PLEKHA1: variants seen among roughly 807,000 people sequenced by gnomAD.
The protein encoded by PLEKHA1 is pleckstrin homology domain containing A1, also known as pleckstrin homology domain-containing family A member 1.
Under a neutral mutation model 52.0 loss-of-function variants are expected in PLEKHA1, and 34 were observed. That is an observed-to-expected ratio of 0.65 (90% CI 0.50 to 0.87). PLEKHA1 has a LOEUF of 0.87. Ranked by LOEUF, PLEKHA1 falls within the 40% of genes least tolerant of loss-of-function variation. PLEKHA1 has a pLI of 0.00. For missense variants in PLEKHA1, 497 were observed against 504.2 expected, an observed-to-expected ratio of 0.99 and a Z score of 0.14; for synonymous variants, 163 against 170.7, an observed-to-expected ratio of 0.95 and a Z score of 0.35.
intron 8 of PLEKHA1, chr10:122,422,635 G>T (rs1361378552): frequency 1.3e-5 from 2 of 152,222 alleles, no homozygotes. Flanking sequence ...CTATTCCACA[G>T]TTAAAGGCGA....
chr10:122,437,597 G>C, the PLEKHA1 span: 1 of 152,376 alleles, frequency 6.6e-6, no homozygotes, highest in Admixed American at 6.5e-5. Context: ...CATGGAATGA[G>C]CCCTGGGGCG....
intron 1 of PLEKHA1, among the ~76,000 whole-genome samples, chr10:122,382,087 T>C (rs1267994554): frequency 6.6e-6 from 1 of 152,236 alleles, no homozygotes; most frequent in South Asian, 2.1e-4. Flanking sequence ...TTATGTACTC[T>C]AGAATGAAAG....
intron 1 of PLEKHA1, among the ~76,000 whole-genome samples, chr10:122,381,707 C>T (rs1458302807): frequency 6.6e-6 from 1 of 152,160 alleles, no homozygotes; most frequent in Non-Finnish European, 1.5e-5. Flanking sequence ...CGGACTACCA[C>T]AGGGTGAGAA....
intron 5 of PLEKHA1, 44 bp from the exon 6 acceptor site, chr10:122,412,876 T>C (rs368202506): frequency 2.1e-4 from 332 of 1,606,512 alleles, no homozygotes; most frequent in Non-Finnish European, 2.7e-4. Context: ...GGTTCACATG[T>C]ATAATGCTGG....
At chr10:122,441,020 A>C in the PLEKHA1 span, 1 of 152,180 alleles carries the variant, frequency 6.6e-6, no homozygotes, top group Admixed American at 6.5e-5. Flanking sequence ...GTGGTTCTCA[A>C]AGTGTGGTCC....
Position 122,424,171 on chromosome 10 carries a change from GTTTTTTTTTTTTTT to G in PLEKHA1, c.682-19_682-6del. On this transcript the variant is annotated splice_polypyrimidine_tract_variant and intron_variant, in intron 8 of 11. Transcript: ENST00000368990. The stretch of plus-strand genomic sequence containing the variant: ...TTTTAAGAATAAACATCATGTAACT[GTTTTTTTTTTTTTT>G]TTTTTTTTGCCAGGAAAAGGAACCT... 2.1e-6 allele frequency: 2 copies of G among 953,376 alleles called. No individual in the cohort carries two copies. The highest frequency in any genetic ancestry group is 2.8e-6 in the Non-Finnish European group (2 of 719,526). 59.1% of individuals were successfully genotyped at this position (953,376 alleles called of 1,614,324 possible). A position where few individuals can be genotyped will look rare whatever the true frequency, so the allele number is the denominator to read the frequency against.
intron 2 of PLEKHA1, among the ~76,000 whole-genome samples, chr10:122,395,477 TTTTC>T (rs1314318570): frequency 2.0e-5 from 3 of 152,094 alleles, no homozygotes; most frequent in Non-Finnish European, 4.4e-5. Flanking sequence ...TATTATATTA[TTTTC>T]TTTCTTTATC....
chr10:122,424,406 T>C (rs2097308301), intron 9 of PLEKHA1, 143 bp downstream of exon 9: 4 of 932,468 alleles, frequency 4.3e-6, no homozygotes, highest in African/African-American at 1.8e-5. Context: ...TACACTAGAA[T>C]TTTCAAAACC....
intron 10 of PLEKHA1, among the ~76,000 whole-genome samples, chr10:122,426,658 T>C (rs1263977485): frequency 6.6e-6 from 1 of 152,172 alleles, no homozygotes; most frequent in Non-Finnish European, 1.5e-5. Context: ...GAAGGGTTTT[T>C]CTTGGACTTC....
chr10:122,417,820 C>CAATA, intron 7 of PLEKHA1, 80 bp from the exon 8 acceptor site: 1 of 1,028,426 alleles, frequency 9.7e-7, no homozygotes, highest in Non-Finnish European at 1.5e-6. Context: ...ATTGTGGGTT[C>CAATA]ATATCAGGGT....
chr10:122,391,730 A>AT (rs544333688), intron 1 of PLEKHA1, among the ~76,000 whole-genome samples: 286 of 151,512 alleles, frequency 1.9e-3, no homozygotes, highest in African/African-American at 6.7e-3. Context: ...CTTTGATTAC[A>AT]TTGTAAACTT....
chr10:122,425,205 AT>A (rs1277647239), intron 10 of PLEKHA1: 5 of 320,668 alleles, frequency 1.6e-5, no homozygotes, highest in Admixed American at 4.9e-5. Flanking sequence ...AATGCTTTTA[AT>A]TTAGATGTTA....
chr10:122,429,730 C>T lies in PLEKHA1; in HGVS notation c.1007C>T (p.Thr336Ile). The T allele has an allele frequency of 6.2e-7, 1 of 1,614,186 alleles. No individual in the cohort carries two copies. The highest frequency in any genetic ancestry group is 8.5e-7 in the Non-Finnish European group (1 of 1,180,036). Reference sequence around the variant, plus strand: ...TCTCGCAGCAACTCTTTGGTCTCAACCTTTACCATGGAGAAGCGAGGATTT... The same window carrying T: ...TCTCGCAGCAACTCTTTGGTCTCAATCTTTACCATGGAGAAGCGAGGATTT... The part of the protein sequence containing the change: ...TASRSNSLVS[T>I]FTMEKRGFYE... Residue 336 changes from threonine to isoleucine, a missense_variant, in exon 12 of 12, where the codon ACC becomes ATC. Coordinates refer to ENST00000368990, the MANE Select transcript of PLEKHA1 (RefSeq NM_001001974.4).
chr10:122,440,021 C>G, the PLEKHA1 span: 34 of 152,240 alleles, frequency 2.2e-4, no homozygotes, highest in African/African-American at 7.9e-4. Flanking sequence ...ACTGCAGATC[C>G]CACTTTGTTC....
chr10:122,425,082 C>T (rs888187448), intron 10 of PLEKHA1, 123 bp downstream of exon 10: 5 of 793,602 alleles, frequency 6.3e-6, no homozygotes, highest in South Asian at 2.0e-5. Flanking sequence ...CTGTAATTCA[C>T]CAGCTTAATA....
chr10:122,440,036 A>G, the PLEKHA1 span: 6 of 152,304 alleles, frequency 3.9e-5, no homozygotes, highest in East Asian at 9.6e-4. Flanking sequence ...TTGTTCTTCA[A>G]CTCAAAATAT....
chr10:122,419,184 T>G (rs920237527), intron 8 of PLEKHA1: 2 of 152,166 alleles, frequency 1.3e-5, no homozygotes, highest in African/African-American at 4.8e-5. Context: ...CTATGCATAC[T>G]TGTATCATAA....
chr10:122,397,295 T>C (rs1191899843), intron 2 of PLEKHA1, among the ~76,000 whole-genome samples: 1 of 152,132 alleles, frequency 6.6e-6, no homozygotes, highest in Non-Finnish European at 1.5e-5. Context: ...CCCTCTATGT[T>C]TACCTTTAGC....
chr10:122,425,713 C>CAAAAAAAAAAAAAAAAAAAAAACAAAAAA (rs11367637), intron 10 of PLEKHA1: 1 of 99,308 alleles, frequency 1.0e-5, no homozygotes, highest in Non-Finnish European at 2.0e-5. Context: ...GACCCTGTCT[C>CAAAAAAAAAAAAAAAAAAAAAACAAAAAA]AAAAAAAAAA....
Sources: allele counts gnomAD v4.1 joint callset (sites outside exome capture counted in the v4.1 genomes callset), GRCh38; gene constraint gnomAD v4.1.1; transcripts MANE v1.5; gene names NCBI Gene and HGNC (gene_info 2026-07-23, HGNC 2026-07-21).